Variants in NHS observed in about 807,000 individuals in gnomAD.
NHS encodes actin remodeling regulator NHS.
In NHS, 5 loss-of-function variants were observed where a neutral mutation model predicts 72.5. The ratio of observed to expected loss-of-function variants is 0.07; its 90% CI spans 0.04 to 0.14. The LOEUF (loss-of-function observed/expected upper bound fraction) is 0.14, where lower values mean the gene tolerates loss of function less well. Among genes scored for constraint, NHS ranks in the 10% least tolerant of loss-of-function variants. The probability of loss-of-function intolerance (pLI) is 1.00; values close to 1 mark genes in which losing one functional copy is unlikely to be tolerated. For synonymous variants in NHS, 464 were observed against 547.7 expected, an observed-to-expected ratio of 0.85 and a Z score of 2.13; for missense variants, 1,072 against 1,355.7, an observed-to-expected ratio of 0.79 and a Z score of 3.29.
chrX:17,599,829 T>C (rs2065640845), intron 1 of NHS, among the ~76,000 whole-genome samples: 1 of 111,219 alleles, frequency 9.0e-6, no homozygotes, highest in South Asian at 3.8e-4. Flanking sequence ...AGTTGTTACC[T>C]AGCATAAACC....
chrX:17,549,780 G>A (rs1174628010), intron 1 of NHS, among the ~76,000 whole-genome samples: 9 of 111,299 alleles, frequency 8.1e-5, no homozygotes, highest in South Asian at 7.6e-4. Context: ...ATGAGGGACC[G>A]GAGGGAGCAG....
At chrX:17,452,491 G>GT (rs112703898) in intron 1 of NHS, among the ~76,000 whole-genome samples, 1,895 of 98,386 alleles carry the variant, frequency 0.019, 31 homozygotes, top group African/African-American at 0.048. Context: ...ATCTTTCTGT[G>GT]TTTTTTTTTT....
In NHS at chrX:17,721,649, T is replaced by A. The variant is rs1460620817; in HGVS notation, c.1108+16T>A. On this transcript the variant is annotated intron_variant, in intron 5 of 8. Coordinates refer to ENST00000676302, the MANE Select transcript of NHS (RefSeq NM_001291867.2). Reference sequence around the variant, plus strand: ...AATGTTACTGGTATCGTTCTGGTTTTTTCTTAGGGGCAGTCGGGTCAGAAT... The same window carrying A: ...AATGTTACTGGTATCGTTCTGGTTTATTCTTAGGGGCAGTCGGGTCAGAAT... 1 of 1,182,430 alleles carries A rather than the reference T, an allele frequency of 8.5e-7. No homozygotes were observed. Among genetic ancestry groups the A allele is most frequent in the South Asian group, 1.8e-5 (1 of 55,187 alleles).
chrX:17,561,570 G>GCACACACACACACA (rs1365009034), intron 1 of NHS, among the ~76,000 whole-genome samples: 9 of 63,166 alleles, frequency 1.4e-4, no homozygotes, highest in African/African-American at 5.0e-4. Flanking sequence ...GCGCGCGCGC[G>GCACACACACACACA]CGCGCACACA....
intron 3 of NHS, among the ~76,000 whole-genome samples, chrX:17,712,430 G>C (rs1198659111): frequency 1.0e-5 from 1 of 97,829 alleles, no homozygotes; most frequent in East Asian, 3.2e-4. Context: ...GTGCCCCTCA[G>C]GAGAATCAAG....
In NHS at chrX:17,726,294, CATG is replaced by C; in HGVS notation, c.2192_2194del (p.Asp731del). ...TGAGTGGAATTACCTACACCACCAC[CATG>C]ATGCCTCCTGCCGCCAGGATTTTAG... is the stretch of plus-strand genomic sequence containing the variant. On this transcript the variant is annotated inframe_deletion, in exon 7 of 9. Transcript: ENST00000676302. 7 of 1,211,948 alleles carry C rather than the reference CATG, an allele frequency of 5.8e-6. No individual in the cohort carries two copies. Among genetic ancestry groups the C allele is most frequent in the Non-Finnish European group, 7.8e-6 (7 of 895,534 alleles).
At chrX:17,677,862 C>T (rs1463676769) in intron 1 of NHS, among the ~76,000 whole-genome samples, 1 of 111,949 alleles carries the variant, frequency 8.9e-6, no homozygotes, top group African/African-American at 3.3e-5. Flanking sequence ...AGCTAGAATG[C>T]AGTAGCACAA....
intron 1 of NHS, among the ~76,000 whole-genome samples, chrX:17,470,738 C>T (rs1296995381): frequency 9.0e-6 from 1 of 111,336 alleles, no homozygotes; most frequent in Admixed American, 9.5e-5. Flanking sequence ...TTTCTCGGTT[C>T]CTTCAAGGCT....
chrX:17,654,640 G>A (rs2065944477), intron 1 of NHS, among the ~76,000 whole-genome samples: 1 of 112,363 alleles, frequency 8.9e-6, no homozygotes, highest in South Asian at 3.7e-4. Flanking sequence ...GCCCACACAT[G>A]CAAATCTGCC....
In NHS at chrX:17,471,393, CCTTTGCCAAG is replaced by C. The variant is rs771343648; in HGVS notation, c.565+95076_565+95085del. ...CTGGGGGTCTGTGGTTTAAATCTCTCCTTTGCCAAGCTTTCCCATTTTTGCATGAGCCACC... is the reference window on the plus strand; with the variant it reads ...CTGGGGGTCTGTGGTTTAAATCTCTCCTTTCCCATTTTTGCATGAGCCACC... On this transcript the variant is annotated intron_variant, in intron 1 of 8. Transcript: ENST00000676302. 3.6e-5 allele frequency among the ~76,000 whole-genome samples: 4 copies of C among 112,499 alleles called. No individual in the cohort carries two copies. In the South Asian group the frequency reaches 1.5e-3, roughly 42 times the overall value.
intron 1 of NHS, among the ~76,000 whole-genome samples, chrX:17,384,492 G>A (rs1216573570): frequency 4.5e-5 from 5 of 112,175 alleles, no homozygotes; most frequent in Non-Finnish European, 9.4e-5. Flanking sequence ...CAAAACTCCT[G>A]AATTACTTTA....
intron 1 of NHS, among the ~76,000 whole-genome samples, chrX:17,503,111 G>T (rs1004081966): frequency 8.9e-6 from 1 of 111,974 alleles, no homozygotes; most frequent in African/African-American, 3.2e-5. Context: ...TGCATCCCTT[G>T]CCTTCCTGGC....
At chrX:17,611,308 G>A (rs12010973) in intron 1 of NHS, among the ~76,000 whole-genome samples, 6,898 of 111,538 alleles carry the variant, frequency 0.062, 509 homozygotes, top group African/African-American at 0.21. Context: ...CACATGGTTT[G>A]TTGCAGCCAT....
intron 1 of NHS, among the ~76,000 whole-genome samples, chrX:17,399,196 G>A (rs2064490869): frequency 9.1e-6 from 1 of 110,157 alleles, no homozygotes; most frequent in African/African-American, 3.3e-5. Context: ...CCACCTCCCG[G>A]GTTCAAGTGA....
intron 1 of NHS, among the ~76,000 whole-genome samples, chrX:17,658,521 G>C (rs1480135264): frequency 1.8e-5 from 2 of 111,844 alleles, no homozygotes; most frequent in Non-Finnish European, 3.8e-5. Flanking sequence ...GATAGAGATC[G>C]TGACTGGGGG....
chrX:17,518,932 C>T (rs552343525), intron 1 of NHS, among the ~76,000 whole-genome samples: 4 of 112,191 alleles, frequency 3.6e-5, no homozygotes, highest in Middle Eastern at 4.6e-3. Context: ...CATTTCTCAG[C>T]TGTGTTGCTT....
At chrX:17,721,693 G>A in intron 5 of NHS, 60 bp downstream of exon 5, 1 of 1,014,741 alleles carries the variant, frequency 9.9e-7, no homozygotes, top group South Asian at 2.3e-5. Context: ...TATTAAATAT[G>A]TTCAAAATCT....
intron 1 of NHS, among the ~76,000 whole-genome samples, chrX:17,580,572 T>TG (rs2065538432): frequency 8.9e-6 from 1 of 112,372 alleles, no homozygotes. Context: ...GTGGGAGGCG[T>TG]GGGGAACTGG....
chrX:17,393,726 G>T (rs149881511), intron 1 of NHS, among the ~76,000 whole-genome samples: 499 of 111,495 alleles, frequency 4.5e-3, no homozygotes, highest in African/African-American at 0.015. Context: ...GAAAATCTAG[G>T]CAAGGCAGAA....
Sources: gnomAD v4.1 joint callset for allele counts (sites outside exome capture counted in the v4.1 genomes callset) on GRCh38, gnomAD v4.1.1 for gene constraint, MANE v1.5 for transcripts, NCBI Gene and HGNC (gene_info 2026-07-23, HGNC 2026-07-21) for gene names.